The following NAA25 variants were observed in gnomAD, a reference collection of about 807,000 sequenced individuals.
The protein encoded by NAA25 is N-alpha-acetyltransferase 25, NatB auxiliary subunit, also known as N-terminal acetyltransferase B complex subunit NAA25.
NAA25 carries 30 observed loss-of-function variants against 132.5 expected under a neutral mutation model. The observed-to-expected ratio is 0.23, with a 90% confidence interval of 0.17 to 0.31. NAA25 has a LOEUF of 0.31. Ranked by LOEUF, NAA25 falls within the 10% of genes least tolerant of loss-of-function variation. NAA25 has a pLI of 1.00. For missense variants in NAA25, 771 were observed against 1,150.4 expected (o/e 0.67, Z 4.77); for synonymous variants, 359 against 401.9 (o/e 0.89, Z 1.28).
At chr12:112,040,159 C>T (rs910886801) in intron 21 of NAA25, 47 of 190,118 alleles carry the variant, frequency 2.5e-4, no homozygotes, top group African/African-American at 1.1e-3. Context: ...ATAAAAGAAG[C>T]TGGAGGAATT....
chr12:112,071,828 A>ATTGT, intron 10 of NAA25, 67 bp downstream of exon 10: 1 of 1,106,778 alleles, frequency 9.0e-7, no homozygotes, highest in Non-Finnish European at 1.2e-6. Flanking sequence ...GTAGATCTCA[A>ATTGT]CTAATGAATA....
rs747952590 is a variant in NAA25 at position 112,043,621 on chromosome 12, G to A, written c.2250+4C>T. ...CTTTGATGGTAAATATGTATTGATG[G>A]TACCTGAATATCCTTCTCAATAAAT... On this transcript the variant is annotated splice_donor_region_variant and intron_variant, in intron 18 of 23. Coordinates refer to ENST00000261745, the MANE Select transcript of NAA25 (RefSeq NM_024953.4). The A allele has an allele frequency of 6.2e-7, 1 of 1,613,916 alleles. No homozygotes were observed. The highest frequency in any genetic ancestry group is 1.1e-5 in the South Asian group (1 of 91,052).
chr12:112,094,172 C>T (rs572844608), intron 1 of NAA25, among the ~76,000 whole-genome samples: 45 of 140,138 alleles, frequency 3.2e-4, no homozygotes, highest in East Asian at 9.1e-4. Context: ...ACCCAGGAGG[C>T]GGAGCTTACA....
intron 21 of NAA25, 47 bp downstream of exon 21, chr12:112,040,434 G>T: frequency 8.7e-7 from 1 of 1,153,726 alleles, no homozygotes; most frequent in South Asian, 1.3e-5. Flanking sequence ...GAATCCTGTA[G>T]ACCATTAAGA....
intron 4 of NAA25, among the ~76,000 whole-genome samples, chr12:112,085,021 G>C (rs1028219520): frequency 6.6e-5 from 10 of 151,418 alleles, no homozygotes; most frequent in African/African-American, 2.2e-4. Flanking sequence ...CAAGAGGTGA[G>C]GAGTTCGAGA....
At chr12:112,065,284 G>T (rs984050624) in intron 11 of NAA25, among the ~76,000 whole-genome samples, 8 of 152,100 alleles carry the variant, frequency 5.3e-5, no homozygotes, top group Non-Finnish European at 7.4e-5. Context: ...ATCACTTGAG[G>T]CCAGGAGTTC....
At chr12:112,035,682 T>C (rs2078215197) in intron 22 of NAA25, among the ~76,000 whole-genome samples, 1 of 48,788 alleles carries the variant, frequency 2.0e-5, no homozygotes, top group Non-Finnish European at 3.0e-5. Context: ...ATCAACTTTC[T>C]TTTTTTTTTT....
At chr12:112,104,749 T>C (rs1438482346) in intron 1 of NAA25, among the ~76,000 whole-genome samples, 2 of 151,168 alleles carry the variant, frequency 1.3e-5, no homozygotes, top group Non-Finnish European at 1.5e-5. Flanking sequence ...GGCAGGAGAA[T>C]GGCGTGAACC....
In NAA25 at chr12:112,047,645, T is replaced by C. The variant is rs752010540; in HGVS notation, c.2006+20A>G. 1.2e-6 allele frequency: 2 copies of C among 1,601,260 alleles called. No individual in the cohort carries two copies. Among genetic ancestry groups the C allele is most frequent in the Non-Finnish European group, 8.5e-7 (1 of 1,176,856 alleles). ...ACAAACAAAAACTTTAAAAATTGCT[T>C]GGGGTTAAATTCCAGTTACCTGTCT... is the stretch of plus-strand genomic sequence containing the variant. On this transcript the variant is annotated intron_variant, in intron 17 of 23. Coordinates refer to ENST00000261745, the MANE Select transcript of NAA25 (RefSeq NM_024953.4).
At chr12:112,061,447 C>A in intron 11 of NAA25, 59 bp from the exon 12 acceptor site, 10 of 1,176,520 alleles carry the variant, frequency 8.5e-6, no homozygotes, top group Middle Eastern at 1.9e-4. Context: ...TTCAGTAGGC[C>A]ATAATTAACA....
chr12:112,108,214 G>A (rs1201462415), intron 1 of NAA25, among the ~76,000 whole-genome samples: 1 of 152,124 alleles, frequency 6.6e-6, no homozygotes, highest in Non-Finnish European at 1.5e-5. Context: ...GTGACCTTGC[G>A]TCAGCCCCTT....
Position 112,057,059 on chromosome 12 carries a change from G to A in NAA25, c.1448-2491C>T, listed in dbSNP as rs370083632. On this transcript the variant is annotated intron_variant, in intron 13 of 23. Transcript: ENST00000261745. Reference sequence around the variant, plus strand: ...AAAAATTAGCCAGGCGTGGTGGTGCGCGCCTGTAATCCCAGCTAGTCAGGA... The same window carrying A: ...AAAAATTAGCCAGGCGTGGTGGTGCACGCCTGTAATCCCAGCTAGTCAGGA... 1.3e-4 allele frequency among the ~76,000 whole-genome samples: 20 copies of A among 152,024 alleles called. No homozygotes were observed. In the South Asian group the frequency reaches 3.7e-3, roughly 28 times the overall value.
chr12:112,059,992 G>A (rs1264000018), intron 13 of NAA25, among the ~76,000 whole-genome samples: 1 of 151,984 alleles, frequency 6.6e-6, no homozygotes, highest in African/African-American at 2.4e-5. Context: ...ATTTTTAGTA[G>A]AGACGAAGTT....
chr12:112,083,526 T>A (rs1194959339), intron 4 of NAA25, among the ~76,000 whole-genome samples: 1 of 149,600 alleles, frequency 6.7e-6, no homozygotes, highest in Non-Finnish European at 1.5e-5. Context: ...AAACCCCATC[T>A]CAAAGAAAAA....
intron 23 of NAA25, among the ~76,000 whole-genome samples, chr12:112,032,388 T>A (rs1279764448): frequency 6.6e-6 from 1 of 152,192 alleles, no homozygotes; most frequent in African/African-American, 2.4e-5. Context: ...TACAATCTCT[T>A]AAGGCTGGTG....
At chr12:112,093,321 C>G (rs564074027) in intron 1 of NAA25, among the ~76,000 whole-genome samples, 185 bp from the exon 2 acceptor site, 11 of 152,112 alleles carry the variant, frequency 7.2e-5, no homozygotes, top group African/African-American at 2.4e-4. Context: ...AGATGGATCA[C>G]TTGAGGCCAG....
At chr12:112,081,284 C>G in intron 4 of NAA25, 150 bp from the exon 5 acceptor site, 1 of 662,114 alleles carries the variant, frequency 1.5e-6, no homozygotes, top group South Asian at 1.9e-5. Flanking sequence ...ATGGCTTTAG[C>G]AACAGCAGTA....
In NAA25 at chr12:112,061,252, G is replaced by A. The variant is rs553318952; in HGVS notation, c.1286C>T (p.Thr429Ile). 6.2e-7 allele frequency: 1 copy of A among 1,613,922 alleles called. No individual in the cohort carries two copies. Among genetic ancestry groups the A allele is most frequent in the East Asian group, 2.2e-5 (1 of 44,866 alleles). The change falls in exon 12 of 24, where the codon ACC becomes ATC. Residue 429 changes from threonine to isoleucine, a missense_variant. This residue lies in a region of NAA25 where 417 missense variants were observed against 733.8 expected (regional missense o/e 0.57). Coordinates refer to ENST00000261745, the MANE Select transcript of NAA25 (RefSeq NM_024953.4). ...QLTRLLGLYH[T>I]MDKNQKLSVV... ...ACTCAATTTCTGATTTTTATCCATG[G>A]TGTGGTACAAGCCAAGTAACCTCGT...
chr12:112,032,610 C>A (rs1282472871), intron 23 of NAA25, among the ~76,000 whole-genome samples: 13 of 152,176 alleles, frequency 8.5e-5, no homozygotes, highest in Non-Finnish European at 1.6e-4. Flanking sequence ...TCCTTCTTGC[C>A]CCTACCAAAA....
Sources: gnomAD v4.1 joint callset for allele counts (sites outside exome capture counted in the v4.1 genomes callset) on GRCh38, gnomAD v4.1.1 for gene constraint, gnomAD v4.1.1 regional missense constraint, MANE v1.5 for transcripts, NCBI Gene and HGNC (gene_info 2026-07-23, HGNC 2026-07-21) for gene names.